ARPC1B: variants seen among roughly 807,000 people sequenced by gnomAD.
ARPC1B encodes actin-related protein 2/3 complex subunit 1B.
ARPC1B carries 29 observed loss-of-function variants against 46.0 expected under a neutral mutation model. That is an observed-to-expected ratio of 0.63 (90% CI 0.47 to 0.86). The LOEUF (loss-of-function observed/expected upper bound fraction) is 0.86, where lower values mean the gene tolerates loss of function less well. ARPC1B is among the 40% of genes least tolerant of loss of function. ARPC1B has a pLI of 0.00. For synonymous variants in ARPC1B, 201 were observed against 213.9 expected, an observed-to-expected ratio of 0.94 and a Z score of 0.53; for missense variants, 469 against 529.4, an observed-to-expected ratio of 0.89 and a Z score of 1.12.
intron 1 of ARPC1B, among the ~76,000 whole-genome samples, chr7:99,379,410 G>C (rs998192952): frequency 6.6e-6 from 1 of 152,128 alleles, no homozygotes; most frequent in Non-Finnish European, 1.5e-5. Flanking sequence ...CGCTTAGCAC[G>C]GTGCAAATTA....
chr7:99,377,696 A>G (rs1367259065), intron 1 of ARPC1B, among the ~76,000 whole-genome samples: 2 of 150,890 alleles, frequency 1.3e-5, no homozygotes, highest in Non-Finnish European at 3.0e-5. Context: ...GTGCAGTGGC[A>G]CAATCTCAGC....
rs1794553573 is a variant in ARPC1B, at chr7:99,391,013, C to T, written c.621C>T (p.Gly207=). The part of the protein sequence containing the change: ...ESSSSCGWVH[G]VCFSASGSRV... ...GCAGTAGCTGCGGCTGGGTACATGG[C>T]GTCTGTTTCTCAGCCAGCGGGAGCC... is the stretch of plus-strand genomic sequence containing the variant. The change falls in exon 6 of 10, where the codon GGC becomes GGT. Residue 207 remains glycine, a synonymous_variant. Transcript: ENST00000646101. 28 of 1,613,788 alleles carry T rather than the reference C, an allele frequency of 1.7e-5. No individual in the cohort carries two copies. Among genetic ancestry groups the T allele is most frequent in the African/African-American group, 2.7e-5 (2 of 74,928 alleles).
Position 99,388,055 on chromosome 7 carries a change from CGA to C in ARPC1B, c.190_191del (p.Ser64Ter), listed in dbSNP as rs1794450605. 6.2e-7 allele frequency: 1 copy of C among 1,605,132 alleles called. No individual in the cohort carries two copies. Among genetic ancestry groups the C allele is most frequent in the Non-Finnish European group, 8.5e-7 (1 of 1,172,568 alleles). On this transcript the variant is annotated frameshift_variant, in exon 4 of 10. Transcript: ENST00000646101. LOFTEE classifies it high-confidence loss of function. ...GQVTGIDWAP[E>X]SNRIVTCGTD... ...CCCCCACAGGCATCGACTGGGCCCC[CGA>C]GAGTAACCGTATTGTGACCTGCGGC... is the stretch of plus-strand genomic sequence containing the variant.
In ARPC1B at chr7:99,392,813, C is replaced by T. The variant is rs1219340821; in HGVS notation, c.926C>T (p.Ala309Val). ...CGCTTCCAGAACCTGGACAAGAAGG[C>T]GAGCTCCGAGGGTGGCACGGCTGCG... ...RERFQNLDKK[A>V]SSEGGTAAGA... Residue 309 changes from alanine to valine, a missense_variant, in exon 8 of 10, where the codon GCG becomes GTG. Physicochemically the swap from Ala to Val is moderately conservative, Grantham distance 64 (BLOSUM62 0). Transcript: ENST00000646101. 2.6e-6 allele frequency: 4 copies of T among 1,550,046 alleles called. No individual in the cohort carries two copies. Among genetic ancestry groups the T allele is most frequent in the Non-Finnish European group, 1.7e-6 (2 of 1,146,780 alleles).
At chr7:99,388,370 G>T in intron 4 of ARPC1B, 109 bp downstream of exon 4, 1 of 1,091,300 alleles carries the variant, frequency 9.2e-7, no homozygotes, top group Non-Finnish European at 1.3e-6. Context: ...CCATCACCCT[G>T]GGGGAGTCCA....
Position 99,390,990 on chromosome 7 carries a change from A to G in ARPC1B, c.598A>G (p.Ser200Gly). ...PFGELMFESSSSCGWVHGVCF... is the reference protein window; with the variant it reads ...PFGELMFESSGSCGWVHGVCF... ...TGGGGAACTGATGTTCGAATCCAGC[A>G]GTAGCTGCGGCTGGGTACATGGCGT... The change falls in exon 6 of 10, where the codon AGT becomes GGT. Residue 200 changes from serine to glycine, a missense_variant. Ser to Gly is a moderately conservative substitution (Grantham distance 56). Transcript: ENST00000646101. The G allele has an allele frequency of 4.3e-6, 7 of 1,614,040 alleles. No individual in the cohort carries two copies. Among genetic ancestry groups the G allele is most frequent in the Non-Finnish European group, 5.9e-6 (7 of 1,180,026 alleles).
rs753448901 is a variant in ARPC1B at position 99,388,301 on chromosome 7, C to T, written c.392+40C>T. On this transcript the variant is annotated intron_variant, in intron 4 of 9. Coordinates refer to ENST00000646101, the MANE Select transcript of ARPC1B (RefSeq NM_005720.4). ...AGGGCCAGAGTGGGCTGTTAGGGAC[C>T]GGGGGCAGGACTAGAGTGTCCCCGG... 3.3e-5 allele frequency: 53 copies of T among 1,598,750 alleles called. No individual in the cohort carries two copies. In the East Asian group the frequency reaches 5.2e-4, roughly 16 times the overall value.
intron 8 of ARPC1B, among the ~76,000 whole-genome samples, chr7:99,393,404 G>A (rs192169241): frequency 6.6e-6 from 1 of 152,134 alleles, no homozygotes; most frequent in Admixed American, 6.5e-5. Context: ...TGGCCCCTAC[G>A]GTTCTCTGGG....
At chr7:99,379,508 ACTC>A (rs1261003694) in intron 1 of ARPC1B, among the ~76,000 whole-genome samples, 1 of 151,870 alleles carries the variant, frequency 6.6e-6, no homozygotes, top group East Asian at 1.9e-4. Context: ...CCTCCAGGCA[ACTC>A]CTCCTTGGTT....
intron 1 of ARPC1B, among the ~76,000 whole-genome samples, chr7:99,377,922 G>A (rs1323802303): frequency 2.6e-5 from 4 of 152,106 alleles, no homozygotes; most frequent in South Asian, 2.1e-4. Flanking sequence ...GTGAGCCACC[G>A]CACCCGTCGG....
At chr7:99,378,226 A>AT (rs557812870) in intron 1 of ARPC1B, among the ~76,000 whole-genome samples, 10,780 of 138,478 alleles carry the variant, frequency 0.078, 403 homozygotes, top group African/African-American at 0.1. Flanking sequence ...CATCCCGCTA[A>AT]TTTTTTTTTT....
chr7:99,380,502 T>C (rs1794180996), intron 1 of ARPC1B, among the ~76,000 whole-genome samples: 1 of 152,162 alleles, frequency 6.6e-6, no homozygotes, highest in Admixed American at 6.6e-5. Context: ...GGCTGATAGG[T>C]GTGGTCTCAA....
intron 1 of ARPC1B, among the ~76,000 whole-genome samples, chr7:99,383,266 G>A (rs547175048): frequency 3.2e-4 from 48 of 152,076 alleles, no homozygotes; most frequent in Non-Finnish European, 6.8e-4. Flanking sequence ...AGTCGAGGCT[G>A]CAGTGAGCTG....
At chr7:99,393,202 G>A (rs1424723267) in intron 8 of ARPC1B, among the ~76,000 whole-genome samples, 2 of 152,084 alleles carry the variant, frequency 1.3e-5, no homozygotes, top group African/African-American at 2.4e-5. Context: ...GAATAACATC[G>A]TTAGTTGTGG....
At chr7:99,391,635 T>G (rs1362442715) in intron 7 of ARPC1B, among the ~76,000 whole-genome samples, 1 of 151,614 alleles carries the variant, frequency 6.6e-6, no homozygotes, top group Admixed American at 6.6e-5. Context: ...AATCTCATAA[T>G]CCCAGTTACT....
In ARPC1B at chr7:99,394,547, G is replaced by A; in HGVS notation, c.*58G>A. On this transcript the variant is annotated 3_prime_UTR_variant, in exon 10 of 10. Transcript: ENST00000646101. ...GCTGGGGAAGCGGGGAGAGGGGTCA[G>A]GGAGGCTAATGGTTGCTTTGCTGAA... The A allele has an allele frequency of 1.2e-6, 2 of 1,613,290 alleles. No homozygotes were observed. The highest frequency in any genetic ancestry group is 1.7e-6 in the Non-Finnish European group (2 of 1,179,742).
At chr7:99,386,266 GAGAA>G (rs914566510) in intron 2 of ARPC1B, 39 of 358,402 alleles carry the variant, frequency 1.1e-4, no homozygotes, top group African/African-American at 1.9e-4. Context: ...AAAAAAAAGA[GAGAA>G]AGAAAGAAAG....
rs771507251 is a variant in ARPC1B, at chr7:99,394,068, G to A, written c.1029G>A (p.Ser343=). The A allele has an allele frequency of 1.2e-5, 20 of 1,613,436 alleles. No homozygotes were observed. The highest frequency in any genetic ancestry group is 3.3e-5 in the Admixed American group (2 of 60,010). ...TCAGCGGCGGCAAGGCCAAGTGCTC[G>A]CAGTTCTGCACCACTGGCATGGATG... ...SVLSGGKAKC[S]QFCTTGMDGG... The change falls in exon 9 of 10, where the codon TCG becomes TCA. Residue 343 remains serine, a synonymous_variant. Coordinates refer to ENST00000646101, the MANE Select transcript of ARPC1B (RefSeq NM_005720.4).
Position 99,386,922 on chromosome 7 carries a change from A to G in ARPC1B, c.169+133A>G, listed in dbSNP as rs73710453. On this transcript the variant is annotated intron_variant, in intron 3 of 9. Transcript: ENST00000646101. Reference sequence around the variant, plus strand: ...TGAAACCCGGATTCAAACTGGCTTCAATTTTAAGGGGACTGTGTTGGCTCA... The same window carrying G: ...TGAAACCCGGATTCAAACTGGCTTCGATTTTAAGGGGACTGTGTTGGCTCA... 1,011 of 696,130 alleles carry G rather than the reference A, an allele frequency of 1.5e-3. 13 individuals carry two copies. The African/African-American group carries it at 0.016, about 11-fold the overall frequency. The allele number at this position is 696,130 out of a possible 1,614,324, so 43.1% of individuals were successfully genotyped here.
Sources: gnomAD v4.1 joint callset for allele counts (sites outside exome capture counted in the v4.1 genomes callset) on GRCh38, gnomAD v4.1.1 for gene constraint, MANE v1.5 for transcripts, NCBI Gene and HGNC (gene_info 2026-07-23, HGNC 2026-07-21) for gene names.